The following XCR1 variants were observed in gnomAD, a reference collection of about 807,000 sequenced individuals.
The protein encoded by XCR1 is X-C motif chemokine receptor 1.
For synonymous variants in XCR1, 187 were observed against 188.5 expected (o/e 0.99, Z 0.06); for missense variants, 356 against 424.2 (o/e 0.84, Z 1.41).
chr3:46,023,141 G>A (rs1371956879), intron 1 of XCR1, among the ~76,000 whole-genome samples: 3 of 152,182 alleles, frequency 2.0e-5, no homozygotes, highest in African/African-American at 7.2e-5. Context: ...CGGCGGCGGC[G>A]CAGGGGGCGG....
At position 46,034,878 on chromosome 3, in the gene XCR1, C is replaced by T. The variant is rs558167917; in HGVS notation, c.-31-12900G>A. Reference sequence around the variant, plus strand: ...AAAAAATTATCAACCACCAGAAACTCACCATATCACCGCATCCAGATAATG... The same window carrying T: ...AAAAAATTATCAACCACCAGAAACTTACCATATCACCGCATCCAGATAATG... On this transcript the variant is annotated intron_variant, in intron 5 of 5. Transcript: ENST00000683768. 2.0e-5 allele frequency among the ~76,000 whole-genome samples: 3 copies of T among 152,316 alleles called. No homozygotes were observed. The East Asian group carries it at 5.8e-4, about 29-fold the overall frequency.
upstream of XCR1, among the ~76,000 whole-genome samples, chr3:46,030,239 T>C (rs1430068531): frequency 6.6e-6 from 1 of 152,232 alleles, no homozygotes; most frequent in East Asian, 1.9e-4. Flanking sequence ...CATTGTCTTG[T>C]TTCTGATCTT....
chr3:46,068,304 C>T (rs975309785), intron 3 of XCR1, among the ~76,000 whole-genome samples: 5 of 151,886 alleles, frequency 3.3e-5, no homozygotes, highest in African/African-American at 4.8e-5. Context: ...AATTTTGCCA[C>T]GTCTGAAAGC....
intron 5 of XCR1, among the ~76,000 whole-genome samples, chr3:46,036,207 T>C (rs989672118): frequency 1.3e-5 from 2 of 152,202 alleles, no homozygotes; most frequent in Non-Finnish European, 2.9e-5. Flanking sequence ...TCTGAGCAGG[T>C]TGGGCCTGGT....
intron 1 of XCR1, among the ~76,000 whole-genome samples, chr3:46,025,290 A>G (rs990493136): frequency 3.3e-5 from 5 of 152,170 alleles, no homozygotes; most frequent in Non-Finnish European, 5.9e-5. Flanking sequence ...TATAATTCCA[A>G]TGCTTTGAAA....
At chr3:46,077,848 G>A (rs548801082) in intron 1 of XCR1, among the ~76,000 whole-genome samples, 19 of 152,158 alleles carry the variant, frequency 1.2e-4, no homozygotes, top group South Asian at 2.1e-4. Context: ...AATACCGCAC[G>A]TTCTCACTTA....
intron 3 of XCR1, among the ~76,000 whole-genome samples, chr3:46,071,599 A>G (rs910265168): frequency 1.3e-5 from 2 of 152,240 alleles, no homozygotes; most frequent in Admixed American, 1.3e-4. Flanking sequence ...CATATCCAAA[A>G]GATAATACAG....
chr3:46,062,565 C>G (rs1055109699), intron 4 of XCR1, among the ~76,000 whole-genome samples: 1 of 152,258 alleles, frequency 6.6e-6, no homozygotes, highest in African/African-American at 2.4e-5. Context: ...GCATCTCTGT[C>G]TAAAGGCTCT....
chr3:46,025,341 C>A (rs1304245060), intron 1 of XCR1, among the ~76,000 whole-genome samples: 2 of 152,032 alleles, frequency 1.3e-5, no homozygotes, highest in Non-Finnish European at 2.9e-5. Context: ...GAGTTTCAGG[C>A]TGCAGTGAGC....
At chr3:46,082,408 T>TACACACAC in intron 1 of XCR1, among the ~76,000 whole-genome samples, 1 of 146,190 alleles carries the variant, frequency 6.8e-6, no homozygotes, top group South Asian at 2.2e-4. Flanking sequence ...TATACATGCA[T>TACACACAC]ACACACACAC....
chr3:46,054,217 G>A (rs1382971895), intron 4 of XCR1, among the ~76,000 whole-genome samples: 2 of 152,146 alleles, frequency 1.3e-5, no homozygotes, highest in Admixed American at 6.5e-5. Context: ...AAGAGATAGC[G>A]AGAAGGTGGG....
At chr3:46,033,225 A>G (rs2125896068) in intron 5 of XCR1, among the ~76,000 whole-genome samples, 1 of 152,322 alleles carries the variant, frequency 6.6e-6, no homozygotes, top group East Asian at 1.9e-4. Flanking sequence ...GAAGGCAAAA[A>G]TTAAAGAAAA....
chr3:46,063,537 G>T (rs1668342197), intron 4 of XCR1, among the ~76,000 whole-genome samples: 2 of 152,034 alleles, frequency 1.3e-5, no homozygotes, highest in African/African-American at 4.8e-5. Context: ...GGAACTGTGG[G>T]TGCAGCTCAT....
chr3:46,059,521 C>T (rs1187040570), intron 4 of XCR1, among the ~76,000 whole-genome samples: 1 of 152,116 alleles, frequency 6.6e-6, no homozygotes, highest in East Asian at 1.9e-4. Flanking sequence ...TTTGAATTTG[C>T]TAGTTGATTT....
chr3:46,079,805 T>C (rs1698326842), intron 1 of XCR1, among the ~76,000 whole-genome samples: 1 of 152,196 alleles, frequency 6.6e-6, no homozygotes, highest in Admixed American at 6.5e-5. Context: ...TCCAGACTTA[T>C]AAGCCCAGAT....
intron 5 of XCR1, among the ~76,000 whole-genome samples, chr3:46,034,318 C>T (rs180880623): frequency 4.3e-4 from 65 of 152,314 alleles, no homozygotes; most frequent in Non-Finnish European, 8.4e-4. Context: ...TTAGCCTTGC[C>T]TTCTGCAGGC....
intron 5 of XCR1, among the ~76,000 whole-genome samples, chr3:46,049,140 G>C (rs1221789271): frequency 6.6e-6 from 1 of 152,120 alleles, no homozygotes; most frequent in Non-Finnish European, 1.5e-5. Context: ...ATAGTCACAT[G>C]AACATAGCTT....
chr3:46,059,569 T>A (rs1461522586), intron 4 of XCR1, among the ~76,000 whole-genome samples: 2 of 152,168 alleles, frequency 1.3e-5, no homozygotes, highest in Admixed American at 1.3e-4. Flanking sequence ...CTAATTTCAG[T>A]GACAATGATG....
At chr3:46,048,393 C>A (rs1697674721) in intron 5 of XCR1, among the ~76,000 whole-genome samples, 1 of 152,210 alleles carries the variant, frequency 6.6e-6, no homozygotes, top group Non-Finnish European at 1.5e-5. Flanking sequence ...GTCCCTGACA[C>A]TCCAGTAGTT....
Sources: allele counts gnomAD v4.1 joint callset (sites outside exome capture counted in the v4.1 genomes callset), GRCh38; gene constraint gnomAD v4.1.1; transcripts MANE v1.5; gene names NCBI Gene and HGNC (gene_info 2026-07-23, HGNC 2026-07-21).